Variants in TSHZ2 observed in about 807,000 individuals in gnomAD.
TSHZ2 encodes the protein teashirt zinc finger homeobox 2.
A neutral mutation model predicts 74.4 loss-of-function variants in TSHZ2; 21 were observed. The ratio of observed to expected loss-of-function variants is 0.28; its 90% CI spans 0.20 to 0.41. The LOEUF is 0.41. Ranked by LOEUF, TSHZ2 falls within the 10% of genes least tolerant of loss-of-function variation. The probability of loss-of-function intolerance (pLI) is 1.00; values close to 1 mark genes in which losing one functional copy is unlikely to be tolerated. For missense variants in TSHZ2, 1,244 were observed against 1,293.5 expected, an observed-to-expected ratio of 0.96 and a Z score of 0.59; for synonymous variants, 540 against 515.3, an observed-to-expected ratio of 1.05 and a Z score of -0.65.
intron 2 of TSHZ2, among the ~76,000 whole-genome samples, chr20:53,391,124 T>TGTTTC (rs1386988594): frequency 2.1e-5 from 3 of 145,342 alleles, no homozygotes; most frequent in African/African-American, 8.4e-5. Context: ...ACTTTTGTTT[T>TGTTTC]GTTTTGTTTT....
chr20:53,426,314 C>T lies in TSHZ2; in HGVS notation c.*9-60830C>T, dbSNP rs186363834. Among the ~76,000 whole-genome samples the T allele has an allele frequency of 7.2e-5, 11 of 152,124 alleles. No individual in the cohort carries two copies. In the East Asian group the frequency reaches 2.1e-3, roughly 29 times the overall value. ...GTAAAATTGAACATGAAAAATAGGC[C>T]TCTAATTTCTGTCCTCTCTCCCTAA... On this transcript the variant is annotated intron_variant, in intron 2 of 2. Transcript: ENST00000371497.
intron 1 of TSHZ2, among the ~76,000 whole-genome samples, chr20:52,990,497 T>G (rs1332516412): frequency 6.6e-6 from 1 of 152,082 alleles, no homozygotes; most frequent in Non-Finnish European, 1.5e-5. Context: ...AAGAAAAGCA[T>G]GAACAACAGA....
chr20:53,179,678 C>G (rs1162192697), intron 1 of TSHZ2: 1 of 152,232 alleles, frequency 6.6e-6, no homozygotes, highest in Non-Finnish European at 1.5e-5. Flanking sequence ...CGTCATTGTC[C>G]AGGCGGCCTT....
chr20:53,315,202 GT>G (rs1978955987), intron 2 of TSHZ2, among the ~76,000 whole-genome samples: 1 of 152,126 alleles, frequency 6.6e-6, no homozygotes, highest in Admixed American at 6.5e-5. Context: ...AAGACTAAAG[GT>G]TTTCTTTCAA....
chr20:53,419,857 G>A (rs1174682674), intron 2 of TSHZ2, among the ~76,000 whole-genome samples: 1 of 152,200 alleles, frequency 6.6e-6, no homozygotes, highest in Non-Finnish European at 1.5e-5. Flanking sequence ...ACCTATTGAT[G>A]TACAGTGTCC....
At chr20:53,397,063 G>A (rs1600606213) in intron 2 of TSHZ2, among the ~76,000 whole-genome samples, 3 of 152,104 alleles carry the variant, frequency 2.0e-5, no homozygotes, top group South Asian at 2.1e-4. Context: ...ACATAGGCAC[G>A]GGCAAGGACT....
chr20:53,382,830 C>G (rs1981907288), intron 2 of TSHZ2, among the ~76,000 whole-genome samples: 2 of 152,214 alleles, frequency 1.3e-5, no homozygotes, highest in Admixed American at 1.3e-4. Context: ...AGTCCTGTGG[C>G]TTGGGTTTGA....
intron 1 of TSHZ2, among the ~76,000 whole-genome samples, chr20:53,225,053 C>T (rs1003153621): frequency 1.3e-5 from 2 of 152,150 alleles, no homozygotes; most frequent in African/African-American, 4.8e-5. Context: ...CTCCACTCTG[C>T]CCTTGTAGCA....
chr20:53,079,673 A>G (rs1400706309), intron 1 of TSHZ2, among the ~76,000 whole-genome samples: 1 of 152,208 alleles, frequency 6.6e-6, no homozygotes, highest in Non-Finnish European at 1.5e-5. Context: ...CACACTGGTA[A>G]TAAAACGATA....
At chr20:53,281,180 G>A (rs1991054007) in intron 2 of TSHZ2, among the ~76,000 whole-genome samples, 1 of 152,150 alleles carries the variant, frequency 6.6e-6, no homozygotes, top group African/African-American at 2.4e-5. Context: ...CCAAAAAATG[G>A]GGAAATGGAA....
chr20:53,281,701 T>C (rs980240955), intron 2 of TSHZ2, among the ~76,000 whole-genome samples: 1 of 152,150 alleles, frequency 6.6e-6, no homozygotes, highest in Admixed American at 6.5e-5. Flanking sequence ...TTCTCAGGAA[T>C]GTGCTCCCAG....
intron 2 of TSHZ2, among the ~76,000 whole-genome samples, chr20:53,457,330 G>A (rs1985137781): frequency 7.9e-6 from 1 of 126,318 alleles, no homozygotes; most frequent in Non-Finnish European, 1.6e-5. Context: ...ATTGTGAATG[G>A]GAGTTCACTC....
intron 1 of TSHZ2, among the ~76,000 whole-genome samples, chr20:52,992,850 T>A (rs1478338600): frequency 6.6e-6 from 1 of 152,320 alleles, no homozygotes; most frequent in Non-Finnish European, 1.5e-5. Context: ...AGCATCAACA[T>A]CTGTGTTTCC....
intron 2 of TSHZ2, among the ~76,000 whole-genome samples, chr20:53,480,799 G>A (rs73137964): frequency 0.023 from 3,564 of 152,258 alleles, 62 homozygotes; most frequent in Admixed American, 0.045. Context: ...AGGAAGGCAA[G>A]AAGAGTAGGA....
At chr20:53,446,211 T>C (rs1284981707) in intron 2 of TSHZ2, among the ~76,000 whole-genome samples, 1 of 152,088 alleles carries the variant, frequency 6.6e-6, no homozygotes, top group Non-Finnish European at 1.5e-5. Context: ...ACTAGCCTGC[T>C]GGAGGATGAA....
intron 2 of TSHZ2, among the ~76,000 whole-genome samples, chr20:53,466,045 G>A (rs574819564): frequency 1.1e-4 from 17 of 151,056 alleles, no homozygotes; most frequent in Middle Eastern, 3.5e-3. Context: ...TCAGGAGTTC[G>A]AGACTAGCCT....
In TSHZ2 at chr20:53,313,791, C is replaced by T. The variant is rs546313804; in HGVS notation, c.*8+57220C>T. 1.5e-3 allele frequency among the ~76,000 whole-genome samples: 228 copies of T among 152,234 alleles called. 1 individual carries two copies. The highest frequency in any genetic ancestry group is 4.9e-3 in the African/African-American group (205 of 41,532). ...ATTAAACACATTGTCTAAAATCCACCGAATCTGCTTCCATTTGCATAATTT... is the reference window on the plus strand; with the variant it reads ...ATTAAACACATTGTCTAAAATCCACTGAATCTGCTTCCATTTGCATAATTT... On this transcript the variant is annotated intron_variant, in intron 2 of 2. Transcript: ENST00000371497.
chr20:53,396,562 G>A (rs963523471), intron 2 of TSHZ2, among the ~76,000 whole-genome samples: 7 of 152,058 alleles, frequency 4.6e-5, no homozygotes, highest in African/African-American at 1.2e-4. Context: ...AAAAGAGAGA[G>A]AGACCAGGTA....
Position 53,256,265 on chromosome 20 carries a change from G to T in TSHZ2, c.2807G>T (p.Arg936Ile). 1 of 1,614,128 alleles carries T rather than the reference G, an allele frequency of 6.2e-7. No homozygotes were observed. Residue 936 changes from arginine (R) to isoleucine (I), a missense_variant, in exon 2 of 3, where the codon AGA becomes ATA. Physicochemically the swap from Arg to Ile is moderately conservative, Grantham distance 97 (BLOSUM62 -3). Transcript: ENST00000371497. This position sits in a 1 kb window ranked among gnomAD's most constrained non-coding sequence, Gnocchi z 4.3. ...TGCAGTGACTGTGCCTCCCAGTTCA[G>T]AACCCCTTCTACCTACATCAGTCAC... ...FYCSDCASQF[R>I]TPSTYISHLE...
Sources: allele counts gnomAD v4.1 joint callset (sites outside exome capture counted in the v4.1 genomes callset), GRCh38; gene constraint gnomAD v4.1.1; non-coding constraint Gnocchi (gnomAD v3.1); transcripts MANE v1.5; gene names NCBI Gene and HGNC (gene_info 2026-07-23, HGNC 2026-07-21).